Variants in ATAD2 observed in about 807,000 individuals in gnomAD.
The protein encoded by ATAD2 is ATPase family AAA domain containing 2, also known as ATPase family AAA domain-containing protein 2.
Under a neutral mutation model 168.9 loss-of-function variants are expected in ATAD2, and 62 were observed. The observed-to-expected ratio is 0.37, with a 90% CI of 0.30 to 0.45. The LOEUF (loss-of-function observed/expected upper bound fraction) is 0.45. Ranked by LOEUF, ATAD2 falls within the 20% of genes least tolerant of loss-of-function variation. ATAD2 has a pLI of 1.00. For synonymous variants in ATAD2, 613 were observed against 571.6 expected (o/e 1.07, Z -1.03); for missense variants, 1,419 against 1,667.8 (o/e 0.85, Z 2.60).
At chr8:123,383,390 C>T (rs977061973) in intron 1 of ATAD2, among the ~76,000 whole-genome samples, 1 of 152,100 alleles carries the variant, frequency 6.6e-6, no homozygotes, top group African/African-American at 2.4e-5. Context: ...TTCTATCTCT[C>T]ACCCATTCTG....
intron 19 of ATAD2, among the ~76,000 whole-genome samples, chr8:123,342,824 TC>T (rs1224850472): frequency 1.3e-5 from 2 of 152,164 alleles, no homozygotes; most frequent in African/African-American, 4.8e-5. Flanking sequence ...CTCTGCTCTA[TC>T]ATCCTGGCCT....
chr8:123,363,857 G>C (rs1044995815), intron 8 of ATAD2, among the ~76,000 whole-genome samples: 11 of 152,068 alleles, frequency 7.2e-5, no homozygotes, highest in Non-Finnish European at 1.6e-4. Flanking sequence ...GTGGCTTCCA[G>C]GTTAAATAAT....
Position 123,322,982 on chromosome 8 carries a change from T to C in ATAD2, c.4087A>G (p.Ile1363Val). Residue 1363 changes from isoleucine to valine, a missense_variant, in exon 27 of 28, where the codon ATT becomes GTT. Physicochemically the swap from Ile to Val is conservative, Grantham distance 29 (BLOSUM62 3). This residue lies in a region of ATAD2 where 303 missense variants were observed against 304.3 expected (regional missense o/e 1.00). Coordinates refer to ENST00000287394, the MANE Select transcript of ATAD2 (RefSeq NM_014109.4). ...ENLYAVISQC[I>V]YRHRKDHDKT... ...TCATGGTCCTTGCGATGCCGATAAA[T>C]ACATTGGCTGATTACTGCATACAAA... The C allele has an allele frequency of 6.2e-7, 1 of 1,613,990 alleles. No homozygotes were observed. Among genetic ancestry groups the C allele is most frequent in the South Asian group, 1.1e-5 (1 of 91,056 alleles).
intron 1 of ATAD2, among the ~76,000 whole-genome samples, chr8:123,389,732 G>A (rs1413909822): frequency 6.6e-6 from 1 of 151,190 alleles, no homozygotes; most frequent in African/African-American, 2.4e-5. Context: ...ACAACTCTCA[G>A]ATCCTGTGCT....
chr8:123,376,161 T>C (rs1052971505), intron 2 of ATAD2, among the ~76,000 whole-genome samples: 2 of 150,800 alleles, frequency 1.3e-5, no homozygotes, highest in Non-Finnish European at 2.9e-5. Flanking sequence ...ATCCCAACAC[T>C]TTGGGAGGCC....
chr8:123,396,433 C>G lies in ATAD2; in HGVS notation c.-76G>C. 2.9e-6 allele frequency: 4 copies of G among 1,394,508 alleles called. No individual in the cohort carries two copies. The highest frequency in any genetic ancestry group is 1.5e-5 in the South Asian group (1 of 67,336). The allele number at this position is 1,394,508 out of a possible 1,614,324, so 86.4% of individuals were successfully genotyped here. A position where few individuals can be genotyped will look rare whatever the true frequency, so the allele number is the denominator to read the frequency against. ...CAGGCGCTCGCAGCTCTGGCTCTTCCGCGCTCCGAATTCTGGCGCCACAAG... is the reference window on the plus strand; with the variant it reads ...CAGGCGCTCGCAGCTCTGGCTCTTCGGCGCTCCGAATTCTGGCGCCACAAG... On this transcript the variant is annotated 5_prime_UTR_variant, in exon 1 of 28. Transcript: ENST00000287394.
chr8:123,328,926 C>T (rs1391680329), intron 24 of ATAD2, among the ~76,000 whole-genome samples: 5 of 151,610 alleles, frequency 3.3e-5, no homozygotes, highest in Non-Finnish European at 7.4e-5. Context: ...TCAGCCTCTC[C>T]GAGCAGCTGG....
rs775812316 is a variant in ATAD2, at chr8:123,323,038, CT to C, written c.4030del (p.Ser1344ValfsTer15). 6.2e-7 allele frequency: 1 copy of C among 1,611,394 alleles called. No homozygotes were observed. The highest frequency in any genetic ancestry group is 1.7e-5 in the Admixed American group (1 of 59,826). The part of the protein sequence containing the change: ...KNLLKTVVKK[S>X]QNYNIFQLEN... ...CAACTGAAATATGTTGTAGTTTTGA[CT>C]TTTTTTAACAACAGTCTTCAAAAGA... On this transcript the variant is annotated frameshift_variant, in exon 27 of 28. Transcript: ENST00000287394. LOFTEE classifies it high-confidence loss of function.
At chr8:123,332,421 A>C (rs1012680740) in intron 24 of ATAD2, among the ~76,000 whole-genome samples, 58 of 152,360 alleles carry the variant, frequency 3.8e-4, no homozygotes, top group African/African-American at 1.3e-3. Context: ...AATTCTAGTC[A>C]TAATATCCTA....
At chr8:123,395,766 C>T (rs1284187713) in intron 1 of ATAD2, among the ~76,000 whole-genome samples, 1 of 152,072 alleles carries the variant, frequency 6.6e-6, no homozygotes, top group Non-Finnish European at 1.5e-5. Context: ...GTGCCCCCTC[C>T]CCCCCAACGT....
At chr8:123,401,285 A>G, upstream of ATAD2, 1 of 1,146,592 alleles carries the variant, frequency 8.7e-7, no homozygotes, top group South Asian at 1.3e-5. Context: ...GTGGCCTCCA[A>G]GGATTCCCAT....
intron 2 of ATAD2, among the ~76,000 whole-genome samples, chr8:123,379,390 A>G (rs993380479): frequency 2.6e-5 from 4 of 152,198 alleles, no homozygotes; most frequent in African/African-American, 9.6e-5. Flanking sequence ...AAGGCTTTGT[A>G]TAGACTATGA....
At position 123,328,186 on chromosome 8, in the gene ATAD2, G is replaced by A. The variant is rs527682440; in HGVS notation, c.3868+4C>T. 3.8e-5 allele frequency: 52 copies of A among 1,363,128 alleles called. 1 individual carries two copies. The highest frequency in any genetic ancestry group is 2.8e-4 in the South Asian group (12 of 43,078). The allele number at this position is 1,363,128 out of a possible 1,614,324, so 84.4% of individuals were successfully genotyped here. A position where few individuals can be genotyped will look rare whatever the true frequency, so the allele number is the denominator to read the frequency against. On this transcript the variant is annotated splice_donor_region_variant and intron_variant, in intron 25 of 27. Coordinates refer to ENST00000287394, the MANE Select transcript of ATAD2 (RefSeq NM_014109.4). ...GTAAATTATTTTAATTGAAAAAGACGTACCTTTTCCTTCATTTTCATCAGA... is the reference window on the plus strand; with the variant it reads ...GTAAATTATTTTAATTGAAAAAGACATACCTTTTCCTTCATTTTCATCAGA...
intron 13 of ATAD2, among the ~76,000 whole-genome samples, chr8:123,351,841 G>A (rs997730490): frequency 1.5e-4 from 23 of 150,978 alleles, no homozygotes; most frequent in Non-Finnish European, 2.7e-4. Flanking sequence ...TCCGCCTCCC[G>A]GGTTCGTGCC....
chr8:123,398,257 A>G (rs546274760), upstream of ATAD2, among the ~76,000 whole-genome samples: 2,138 of 135,820 alleles, frequency 0.016, 74 homozygotes, highest in African/African-American at 0.06. Flanking sequence ...TTGAGACAGA[A>G]TCTTGCTCTG....
intron 1 of ATAD2, among the ~76,000 whole-genome samples, chr8:123,390,034 A>G (rs1227789169): frequency 7.0e-5 from 10 of 143,018 alleles, no homozygotes. Context: ...GCTGGAGTGC[A>G]ATGGCGCAAT....
chr8:123,348,945 C>T (rs1828355811), intron 14 of ATAD2, among the ~76,000 whole-genome samples: 1 of 151,854 alleles, frequency 6.6e-6, no homozygotes, highest in African/African-American at 2.4e-5. Flanking sequence ...ATTAAGTAGA[C>T]TTAAAAAAAC....
intron 2 of ATAD2, among the ~76,000 whole-genome samples, chr8:123,379,146 C>A (rs974169950): frequency 1.6e-4 from 25 of 151,976 alleles, no homozygotes; most frequent in African/African-American, 5.3e-4. Context: ...GGGTTTTTCG[C>A]CCTGAACCAA....
chr8:123,381,728 CAAACA>C (rs922078066), intron 1 of ATAD2, among the ~76,000 whole-genome samples: 2 of 151,944 alleles, frequency 1.3e-5, no homozygotes, highest in African/African-American at 2.4e-5. Context: ...ATCTAAAATA[CAAACA>C]AAACAAAACA....
Sources: gnomAD v4.1 joint callset for allele counts (sites outside exome capture counted in the v4.1 genomes callset) on GRCh38, gnomAD v4.1.1 for gene constraint, gnomAD v4.1.1 regional missense constraint, MANE v1.5 for transcripts, NCBI Gene and HGNC (gene_info 2026-07-23, HGNC 2026-07-21) for gene names.